The following GRIN2B variants were observed in gnomAD, a reference collection of about 807,000 sequenced individuals.
GRIN2B encodes glutamate receptor ionotropic, NMDA 2B.
A neutral mutation model predicts 114.5 loss-of-function variants in GRIN2B; 5 were observed. That is an observed-to-expected ratio of 0.04 (90% CI 0.02 to 0.09). The LOEUF (loss-of-function observed/expected upper bound fraction) is 0.09, where lower values mean the gene tolerates loss of function less well. Ranked by LOEUF, GRIN2B falls within the 10% of genes least tolerant of loss-of-function variation. GRIN2B has a pLI of 1.00. For synonymous variants in GRIN2B, 787 were observed against 745.1 expected, an observed-to-expected ratio of 1.06 and a Z score of -0.92; for missense variants, 1,108 against 1,943.5, an observed-to-expected ratio of 0.57 and a Z score of 8.08.
chr12:13,806,668 T>C (rs1455714283), intron 3 of GRIN2B, among the ~76,000 whole-genome samples: 2 of 152,160 alleles, frequency 1.3e-5, no homozygotes, highest in African/African-American at 4.8e-5. Context: ...TTCTGTAGGT[T>C]TGTCTCTTCA....
intron 3 of GRIN2B, among the ~76,000 whole-genome samples, chr12:13,767,389 C>T (rs1863817212): frequency 6.6e-6 from 1 of 152,126 alleles, no homozygotes; most frequent in African/African-American, 2.4e-5. Context: ...CTCAAAACTG[C>T]CTCCATGTCT....
At chr12:13,739,505 C>A (rs1031399021) in intron 4 of GRIN2B, among the ~76,000 whole-genome samples, 1 of 151,920 alleles carries the variant, frequency 6.6e-6, no homozygotes, top group African/African-American at 2.4e-5. Flanking sequence ...AGCTTCCCTG[C>A]CACTGCTCTC....
chr12:13,739,654 G>GA (rs35371790), intron 4 of GRIN2B, among the ~76,000 whole-genome samples: 9,167 of 151,800 alleles, frequency 0.06, 400 homozygotes, highest in Non-Finnish European at 0.09. Flanking sequence ...GAAAGATTCT[G>GA]AAAAAAAATA....
intron 4 of GRIN2B, among the ~76,000 whole-genome samples, chr12:13,676,179 G>A (rs1266356958): frequency 6.6e-6 from 1 of 152,020 alleles, no homozygotes; most frequent in Non-Finnish European, 1.5e-5. Context: ...AGACACACTG[G>A]GGCCTGTAGG....
At chr12:13,832,337 C>G (rs892119709) in intron 3 of GRIN2B, among the ~76,000 whole-genome samples, 3 of 152,138 alleles carry the variant, frequency 2.0e-5, no homozygotes, top group African/African-American at 7.2e-5. Flanking sequence ...CTTCATAGTA[C>G]AAACATGTAT....
chr12:13,909,658 T>C (rs1039717890), intron 2 of GRIN2B, among the ~76,000 whole-genome samples: 8 of 151,960 alleles, frequency 5.3e-5, no homozygotes, highest in African/African-American at 1.9e-4. Flanking sequence ...GTCCTTAAAA[T>C]GGGACAAAGA....
At chr12:13,930,135 G>C (rs1024185806) in intron 2 of GRIN2B, among the ~76,000 whole-genome samples, 1 of 152,134 alleles carries the variant, frequency 6.6e-6, no homozygotes, top group African/African-American at 2.4e-5. Context: ...AGTGAGTTGA[G>C]ACTGTGCCAT....
At chr12:13,657,718 G>A (rs1403376804) in intron 5 of GRIN2B, among the ~76,000 whole-genome samples, 1 of 152,032 alleles carries the variant, frequency 6.6e-6, no homozygotes, top group Admixed American at 6.6e-5. Context: ...AAAATCATGG[G>A]ATAAATACAT....
At chr12:13,588,330 G>T (rs1163065972) in intron 10 of GRIN2B, among the ~76,000 whole-genome samples, 1 of 152,196 alleles carries the variant, frequency 6.6e-6, no homozygotes, top group Non-Finnish European at 1.5e-5. Flanking sequence ...TTAGTGAAAG[G>T]ATAGACATGA....
rs202102041 is a variant in GRIN2B at position 13,611,801 on chromosome 12, G to T, written c.1704C>A (p.Ile568=). ...VWVMMFVMLL[I]VSAVAVFVFE... ...AGACAAAGACAGCCACGGCTGAGAC[G>T]ATGAGCAGCATCACAAACATCATCA... Residue 568 remains isoleucine (I), a synonymous_variant, in exon 9 of 14, where the codon ATC becomes ATA. Coordinates refer to ENST00000609686, the MANE Select transcript of GRIN2B (RefSeq NM_000834.5). 11 of 1,613,128 alleles carry T rather than the reference G, an allele frequency of 6.8e-6. No individual in the cohort carries two copies. Among genetic ancestry groups the T allele is most frequent in the Non-Finnish European group, 8.5e-6 (10 of 1,179,040 alleles).
At chr12:13,771,227 C>T (rs1863902561) in intron 3 of GRIN2B, among the ~76,000 whole-genome samples, 1 of 152,174 alleles carries the variant, frequency 6.6e-6, no homozygotes, top group Admixed American at 6.5e-5. Context: ...TGCCTTGCTT[C>T]CCCTTCACCT....
chr12:13,812,930 ATTTTTTTTT>A (rs34773248), intron 3 of GRIN2B, among the ~76,000 whole-genome samples: 1 of 118,392 alleles, frequency 8.4e-6, no homozygotes, highest in South Asian at 2.7e-4. Flanking sequence ...AGTTTTGGGA[ATTTTTTTTT>A]TTTTTTTTTT....
At position 13,653,170 on chromosome 12, in the gene GRIN2B, A is replaced by G. The variant is rs187472307; in HGVS notation, c.1125+22575T>C. 5.1e-3 allele frequency among the ~76,000 whole-genome samples: 778 copies of G among 152,282 alleles called. 4 individuals are homozygous for G. The highest frequency in any genetic ancestry group is 6.3e-3 in the Non-Finnish European group (426 of 68,012). ...AAGAGATGGATAGATGAGGAAGAGG[A>G]ATCACTTAGCAAGTCCCAGCTTTCT... On this transcript the variant is annotated intron_variant, in intron 5 of 13. Coordinates refer to ENST00000609686, the MANE Select transcript of GRIN2B (RefSeq NM_000834.5).
intron 5 of GRIN2B, among the ~76,000 whole-genome samples, chr12:13,662,023 G>A (rs961334607): frequency 3.3e-5 from 5 of 152,092 alleles, no homozygotes; most frequent in African/African-American, 9.7e-5. Context: ...AGTAATTTCC[G>A]TAACAGCTGT....
At chr12:13,712,674 A>G (rs187023758) in intron 4 of GRIN2B, among the ~76,000 whole-genome samples, 1 of 152,042 alleles carries the variant, frequency 6.6e-6, no homozygotes, top group Non-Finnish European at 1.5e-5. Flanking sequence ...TTAGAATTTT[A>G]TCTTTGGAGA....
chr12:13,580,327 T>C (rs1479153696), intron 10 of GRIN2B, among the ~76,000 whole-genome samples: 1 of 152,248 alleles, frequency 6.6e-6, no homozygotes, highest in Non-Finnish European at 1.5e-5. Flanking sequence ...CCAATCAGCA[T>C]ATGCAGATTA....
chr12:13,748,701 T>C (rs1000779636), intron 4 of GRIN2B, among the ~76,000 whole-genome samples: 1 of 152,182 alleles, frequency 6.6e-6, no homozygotes, highest in African/African-American at 2.4e-5. Flanking sequence ...TCTTGGGCTA[T>C]AGTATAGGGC....
At chr12:13,574,675 T>TA (rs1380860143) in intron 10 of GRIN2B, among the ~76,000 whole-genome samples, 1 of 152,226 alleles carries the variant, frequency 6.6e-6, no homozygotes, top group Non-Finnish European at 1.5e-5. Flanking sequence ...CTTTATATAG[T>TA]AATTTTTAAT....
At chr12:13,745,041 G>A (rs1863352712) in intron 4 of GRIN2B, among the ~76,000 whole-genome samples, 1 of 152,072 alleles carries the variant, frequency 6.6e-6, no homozygotes, top group East Asian at 1.9e-4. Flanking sequence ...ATCCCTGACA[G>A]CACCATTTGA....
Sources: gnomAD v4.1 joint callset for allele counts (sites outside exome capture counted in the v4.1 genomes callset) on GRCh38, gnomAD v4.1.1 for gene constraint, MANE v1.5 for transcripts, NCBI Gene and HGNC (gene_info 2026-07-23, HGNC 2026-07-21) for gene names.